ARL15: variants seen among roughly 807,000 people sequenced by gnomAD.
ARL15 encodes ADP-ribosylation factor-like protein 15.
In ARL15, 19 loss-of-function variants were observed where a neutral mutation model predicts 25.2. The ratio of observed to expected loss-of-function variants is 0.75; its 90% CI spans 0.53 to 1.10. The LOEUF (loss-of-function observed/expected upper bound fraction) is 1.10, where lower values mean the gene tolerates loss of function less well. Ranked by LOEUF, ARL15 falls within the 50% of genes least tolerant of loss-of-function variation. ARL15 has a pLI of 0.00. For missense variants in ARL15, 220 were observed against 246.0 expected, an observed-to-expected ratio of 0.89 and a Z score of 0.71; for synonymous variants, 94 against 86.8, an observed-to-expected ratio of 1.08 and a Z score of -0.46.
At chr5:54,041,577 G>T (rs1348369059) in intron 4 of ARL15, among the ~76,000 whole-genome samples, 1 of 152,168 alleles carries the variant, frequency 6.6e-6, no homozygotes, top group Non-Finnish European at 1.5e-5. Flanking sequence ...CCACAAGTAT[G>T]ACCTGGCTAT....
At chr5:53,991,230 T>G (rs1320746052) in intron 4 of ARL15, among the ~76,000 whole-genome samples, 1 of 152,108 alleles carries the variant, frequency 6.6e-6, no homozygotes, top group Admixed American at 6.6e-5. Context: ...TATTTGCTGT[T>G]GAACAGCTGA....
chr5:53,895,586 T>G (rs1418677781), intron 4 of ARL15, among the ~76,000 whole-genome samples: 5 of 152,200 alleles, frequency 3.3e-5, no homozygotes. Context: ...ATTGTTACTT[T>G]GCAGTTTTGA....
chr5:54,143,643 A>G (rs938409668), intron 3 of ARL15, among the ~76,000 whole-genome samples: 2 of 151,894 alleles, frequency 1.3e-5, no homozygotes, highest in African/African-American at 4.8e-5. Context: ...TTCTTTCTTG[A>G]ACTTTGCTAA....
At chr5:54,145,867 G>A (rs553997556) in intron 3 of ARL15, among the ~76,000 whole-genome samples, 1 of 152,268 alleles carries the variant, frequency 6.6e-6, no homozygotes, top group South Asian at 2.1e-4. Flanking sequence ...GAACCCTTAA[G>A]ATTATGGTTT....
intron 1 of ARL15, among the ~76,000 whole-genome samples, chr5:54,180,018 G>T (rs1312550714): frequency 1.8e-5 from 2 of 110,002 alleles, no homozygotes; most frequent in Non-Finnish European, 1.8e-5. Flanking sequence ...ACTGTCTCGA[G>T]AAAAAAAAAA....
At chr5:53,910,630 A>ATT (rs1745418084) in intron 4 of ARL15, among the ~76,000 whole-genome samples, 2 of 63,266 alleles carry the variant, frequency 3.2e-5, no homozygotes, top group African/African-American at 1.6e-4. Flanking sequence ...TAATAAAAAA[A>ATT]AATTATATAT....
intron 4 of ARL15, among the ~76,000 whole-genome samples, chr5:54,050,327 T>A (rs928187717): frequency 1.5e-4 from 23 of 152,208 alleles, no homozygotes; most frequent in Non-Finnish European, 2.9e-4. Flanking sequence ...ATTGTGCAGT[T>A]CTTGTTGCTG....
At chr5:54,217,695 C>T (rs140904795) in intron 1 of ARL15, among the ~76,000 whole-genome samples, 101 of 152,098 alleles carry the variant, frequency 6.6e-4, no homozygotes, top group Non-Finnish European at 1.1e-3. Context: ...GATGATTCAC[C>T]GTAACGATCA....
chr5:54,181,021 T>G (rs903011917), intron 1 of ARL15, among the ~76,000 whole-genome samples: 5 of 152,126 alleles, frequency 3.3e-5, no homozygotes, highest in Non-Finnish European at 5.9e-5. Context: ...AGTCTCGGTA[T>G]GTGGAATTCA....
intron 4 of ARL15, among the ~76,000 whole-genome samples, chr5:53,962,078 T>A (rs951030228): frequency 1.3e-5 from 2 of 152,186 alleles, no homozygotes; most frequent in African/African-American, 4.8e-5. Flanking sequence ...TTCACAAGTA[T>A]ATTCTTAGGG....
intron 1 of ARL15, chr5:54,282,424 T>A (rs1331747876): frequency 1.0e-6 from 1 of 985,350 alleles, no homozygotes; most frequent in East Asian, 1.1e-4. Context: ...AAAGAAAATC[T>A]GCTGTATTCC....
intron 1 of ARL15, among the ~76,000 whole-genome samples, chr5:54,191,455 T>C (rs1479282360): frequency 6.6e-6 from 1 of 151,790 alleles, no homozygotes; most frequent in Non-Finnish European, 1.5e-5. Flanking sequence ...TAAAAATAGT[T>C]AAGATGGTGA....
intron 1 of ARL15, among the ~76,000 whole-genome samples, chr5:54,289,059 T>C (rs898352159): frequency 6.6e-6 from 1 of 152,188 alleles, no homozygotes; most frequent in Non-Finnish European, 1.5e-5. Flanking sequence ...AGCCCAGGCA[T>C]TGTAACTCCC....
chr5:54,212,908 T>G (rs1756085346), intron 1 of ARL15, among the ~76,000 whole-genome samples: 1 of 152,176 alleles, frequency 6.6e-6, no homozygotes, highest in South Asian at 2.1e-4. Flanking sequence ...CCAAAACACT[T>G]AACCTACCCA....
At chr5:54,228,997 G>C (rs1003615067) in intron 1 of ARL15, among the ~76,000 whole-genome samples, 2 of 152,088 alleles carry the variant, frequency 1.3e-5, no homozygotes, top group Non-Finnish European at 2.9e-5. Context: ...CCATGTTTCT[G>C]GGGGGCATCT....
At chr5:54,067,700 C>T (rs1460998384) in intron 4 of ARL15, among the ~76,000 whole-genome samples, 2 of 152,170 alleles carry the variant, frequency 1.3e-5, no homozygotes, top group South Asian at 2.1e-4. Flanking sequence ...CATGAACCAT[C>T]GTCTTGGTAA....
chr5:54,309,634 C>G (rs1447482734), intron 1 of ARL15, among the ~76,000 whole-genome samples: 1 of 152,224 alleles, frequency 6.6e-6, no homozygotes, highest in Non-Finnish European at 1.5e-5. Context: ...TAAACGCAAA[C>G]AAGCAACTCT....
chr5:53,996,500 TC>T (rs1748675760), intron 4 of ARL15, among the ~76,000 whole-genome samples: 1 of 151,668 alleles, frequency 6.6e-6, no homozygotes, highest in African/African-American at 2.4e-5. Flanking sequence ...ACATCTGTAA[TC>T]CCAGCTACTT....
intron 4 of ARL15, among the ~76,000 whole-genome samples, chr5:53,955,891 C>T (rs889470713): frequency 6.6e-6 from 1 of 152,098 alleles, no homozygotes; most frequent in Non-Finnish European, 1.5e-5. Flanking sequence ...TAACTCAAAA[C>T]ACATTCGAGG....
Sources: gnomAD v4.1 joint callset for allele counts (sites outside exome capture counted in the v4.1 genomes callset) on GRCh38, gnomAD v4.1.1 for gene constraint, MANE v1.5 for transcripts, NCBI Gene and HGNC (gene_info 2026-07-23, HGNC 2026-07-21) for gene names.